FREM1: variants seen among roughly 807,000 people sequenced by gnomAD.
The protein encoded by FREM1 is FRAS1 related extracellular matrix 1.
FREM1 carries 220 observed loss-of-function variants against 210.1 expected under a neutral mutation model. That is an observed-to-expected ratio of 1.05 (90% CI 0.94 to 1.17). The LOEUF (loss-of-function observed/expected upper bound fraction) is 1.17. Ranked by LOEUF, FREM1 falls within the 50% of genes most tolerant of loss-of-function variation. The pLI is 0.00. For missense variants in FREM1, 3,454 were observed against 2,675.5 expected (o/e 1.29, Z -6.42); for synonymous variants, 1,189 against 980.2 (o/e 1.21, Z -3.98).
chr9:14,860,136 G>T (rs76777877), intron 3 of FREM1, among the ~76,000 whole-genome samples: 1,720 of 152,084 alleles, frequency 0.011, 35 homozygotes, highest in African/African-American at 0.039. Context: ...TCTTATTATG[G>T]CCCAGGCATT....
intron 36 of FREM1, 130 bp from the exon 37 acceptor site, chr9:14,737,725 AC>A: frequency 3.0e-6 from 2 of 658,490 alleles, no homozygotes; most frequent in South Asian, 6.7e-5. Flanking sequence ...AGGGATAGGA[AC>A]TTGGAATACT....
intron 36 of FREM1, among the ~76,000 whole-genome samples, 158 bp downstream of exon 36, chr9:14,739,991 A>C (rs1474160637): frequency 6.6e-6 from 1 of 152,200 alleles, no homozygotes; most frequent in Non-Finnish European, 1.5e-5. Context: ...AAAAAGGTTT[A>C]AGATGAGTTT....
rs368790874 is a variant in FREM1 at position 14,737,471 on chromosome 9, T to C, written c.6465A>G (p.Gln2155=). 698 of 1,613,884 alleles carry C rather than the reference T, an allele frequency of 4.3e-4. 1 individual carries two copies. The Middle Eastern group carries it at 4.5e-3, about 10-fold the overall frequency. Residue 2155 remains glutamine (Q), a synonymous_variant, in exon 37 of 37, where the codon CAA becomes CAG. Transcript: ENST00000380880. ...CTTTTGTTTGCCATTTCCCTTGTCT[T>C]TGAACCAAAACACAGCTCTTTCCAA... ...SKLGKSCVLV[Q]RQGKWQTKDC...
chr9:14,789,003 C>T lies in FREM1; in HGVS notation c.4093G>A (p.Asp1365Asn). The T allele has an allele frequency of 1.2e-6, 2 of 1,612,664 alleles. No individual in the cohort carries two copies. The highest frequency in any genetic ancestry group is 1.7e-6 in the Non-Finnish European group (2 of 1,179,436). The change falls in exon 23 of 37, where the codon GAT becomes AAT. Residue 1365 changes from aspartate to asparagine, a missense_variant. Physicochemically the swap from Asp to Asn is conservative, Grantham distance 23. Coordinates refer to ENST00000380880, the MANE Select transcript of FREM1 (RefSeq NM_001379081.2). ...TCCCAAAGGTAGAAGGTGAAGCTATCTTGATTCTGGGAATCCATTGCCCCG... is the reference window on the plus strand; with the variant it reads ...TCCCAAAGGTAGAAGGTGAAGCTATTTTGATTCTGGGAATCCATTGCCCCG... ...HTGAMDSQNQ[D>N]SFTFYLWDGN...
chr9:14,804,878 G>T, intron 19 of FREM1, 78 bp downstream of exon 19: 1 of 1,064,132 alleles, frequency 9.4e-7, no homozygotes, highest in Non-Finnish European at 1.4e-6. Context: ...AATGCACTTG[G>T]AGCAATGTAA....
At chr9:14,860,854 T>TATAC (rs1830007071) in intron 3 of FREM1, among the ~76,000 whole-genome samples, 1 of 71,214 alleles carries the variant, frequency 1.4e-5, no homozygotes, top group East Asian at 7.9e-4. Flanking sequence ...CATATATACG[T>TATAC]ATATATACAC....
chr9:14,745,443 C>G (rs1842245017), intron 35 of FREM1, among the ~76,000 whole-genome samples: 1 of 152,064 alleles, frequency 6.6e-6, no homozygotes, highest in African/African-American at 2.4e-5. Flanking sequence ...TGCGAAGACT[C>G]CAAATCATTT....
At chr9:14,817,823 G>C (rs1820577074) in intron 14 of FREM1, among the ~76,000 whole-genome samples, 1 of 152,214 alleles carries the variant, frequency 6.6e-6, no homozygotes, top group African/African-American at 2.4e-5. Context: ...CACCCTCCAT[G>C]ATCCTCTCAC....
At chr9:14,857,827 A>G (rs1829073650) in intron 4 of FREM1, 78 bp from the exon 5 acceptor site, 2 of 969,714 alleles carry the variant, frequency 2.1e-6, no homozygotes. Flanking sequence ...ACTCCGTCCC[A>G]TGAATACTTA....
At chr9:14,771,970 G>A (rs1251513429) in intron 25 of FREM1, among the ~76,000 whole-genome samples, 2 of 151,744 alleles carry the variant, frequency 1.3e-5, no homozygotes, top group Non-Finnish European at 2.9e-5. Flanking sequence ...ATAGACATAG[G>A]CAAAAATCTG....
intron 27 of FREM1, among the ~76,000 whole-genome samples, chr9:14,762,731 T>C (rs907597872): frequency 2.7e-5 from 4 of 150,522 alleles, no homozygotes; most frequent in African/African-American, 9.8e-5. Context: ...CCACAGAATA[T>C]GTACAATATA....
In FREM1 at chr9:14,737,264, T is replaced by C; in HGVS notation, c.*132A>G. ...TTCTGGCACTATTAAAAATGTCCCA[T>C]TTTCACTAGACAGAATCACAAAGGT... is the stretch of plus-strand genomic sequence containing the variant. On this transcript the variant is annotated 3_prime_UTR_variant, in exon 37 of 37. Coordinates refer to ENST00000380880, the MANE Select transcript of FREM1 (RefSeq NM_001379081.2). 1.7e-6 allele frequency: 1 copy of C among 580,924 alleles called. No homozygotes were observed. The highest frequency in any genetic ancestry group is 3.0e-6 in the Non-Finnish European group (1 of 338,266). 36.0% of individuals were successfully genotyped at this position (580,924 alleles called of 1,614,324 possible).
intron 1 of FREM1, among the ~76,000 whole-genome samples, chr9:14,898,695 T>G (rs377526382): frequency 2.0e-4 from 30 of 152,242 alleles, no homozygotes; most frequent in African/African-American, 7.0e-4. Context: ...TGGGCCAAGA[T>G]CACGCCACTA....
intron 1 of FREM1, among the ~76,000 whole-genome samples, chr9:14,902,593 A>G (rs148364052): frequency 4.6e-5 from 7 of 152,198 alleles, no homozygotes; most frequent in African/African-American, 1.7e-4. Flanking sequence ...AGTATCTTGA[A>G]TGCTAAATGG....
chr9:14,907,634 T>G (rs1354296789), intron 1 of FREM1, among the ~76,000 whole-genome samples: 1 of 152,238 alleles, frequency 6.6e-6, no homozygotes, highest in East Asian at 1.9e-4. Flanking sequence ...AATGGCTACA[T>G]GCCCTGAAAA....
intron 10 of FREM1, among the ~76,000 whole-genome samples, chr9:14,837,392 CCCTT>C (rs1217911145): frequency 2.0e-5 from 3 of 152,068 alleles, no homozygotes; most frequent in African/African-American, 7.2e-5. Context: ...TCTGTCTTCT[CCCTT>C]CCTTCTTGCC....
In FREM1 at chr9:14,859,455, G is replaced by C. The variant is rs888430457; in HGVS notation, c.359C>G (p.Thr120Ser). ...RFTERDTFIE[T>S]FILWVYLLEP... is the part of the protein sequence containing the mutation. ...CAGGAGATAGACCCACAGGATAAAA[G>C]TTTCTATGAAGGTATCTCTTTCAGT... The change falls in exon 4 of 37, where the codon ACT (threonine) becomes AGT (serine). Residue 120 changes from threonine to serine, a missense_variant. Thr to Ser is a moderately conservative substitution (Grantham distance 58). Transcript: ENST00000380880. 2.5e-6 allele frequency: 4 copies of C among 1,613,376 alleles called. No individual in the cohort carries two copies. Among genetic ancestry groups the C allele is most frequent in the South Asian group, 1.1e-5 (1 of 91,020 alleles).
rs757148050 is a variant in FREM1, at chr9:14,857,634, A to T, written c.747T>A (p.His249Gln). 6 of 1,613,764 alleles carry T rather than the reference A, an allele frequency of 3.7e-6. No homozygotes were observed. In the African/African-American group the frequency reaches 8.0e-5, roughly 22 times the overall value. Residue 249 changes from histidine (H) to glutamine (Q), a missense_variant, in exon 5 of 37, where the codon CAT (histidine) becomes CAA (glutamine). By Grantham distance (24) the His-to-Gln change is conservative (BLOSUM62 0). Transcript: ENST00000380880. The part of the protein sequence containing the change: ...EFLLMGLRYQ[H>Q]LDPPSPNIDY... ...CAATGTTGGGTGAAGGGGGATCCAGATGCTGATAACGAAGGCCCATCAGCA... is the reference window on the plus strand; with the variant it reads ...CAATGTTGGGTGAAGGGGGATCCAGTTGCTGATAACGAAGGCCCATCAGCA...
chr9:14,756,416 CT>C lies in FREM1; in HGVS notation c.5364del (p.Asp1789IlefsTer4). 1 of 1,601,610 alleles carries C rather than the reference CT, an allele frequency of 6.2e-7. No individual in the cohort carries two copies. Among genetic ancestry groups the C allele is most frequent in the Non-Finnish European group, 8.5e-7 (1 of 1,173,864 alleles). On this transcript the variant is annotated frameshift_variant, in exon 29 of 37. Coordinates refer to ENST00000380880, the MANE Select transcript of FREM1 (RefSeq NM_001379081.2). LOFTEE classifies it high-confidence loss of function. Reference protein sequence around the residue: ...KVNQVSAAVGKDFTVIPSKLI... With the variant: ...KVNQVSAAVGXDFTVIPSKLI... Reference sequence around the variant, plus strand: ...AGTTTAGATGGAATCACGGTGAAATCTTTTCCAACTGCAGCTGACACTTGGT... The same window carrying C: ...AGTTTAGATGGAATCACGGTGAAATCTTTCCAACTGCAGCTGACACTTGGT...
Sources: gnomAD v4.1 joint callset for allele counts (sites outside exome capture counted in the v4.1 genomes callset) on GRCh38, gnomAD v4.1.1 for gene constraint, MANE v1.5 for transcripts, NCBI Gene and HGNC (gene_info 2026-07-23, HGNC 2026-07-21) for gene names.